Variants in SGK1 observed in about 807,000 individuals in gnomAD.
SGK1 encodes serine/threonine-protein kinase Sgk1.
Under a neutral mutation model 64.2 loss-of-function variants are expected in SGK1, and 26 were observed. That is an observed-to-expected ratio of 0.40 (90% CI 0.30 to 0.56). The LOEUF (loss-of-function observed/expected upper bound fraction) is 0.56. Among genes scored for constraint, SGK1 ranks in the 20% least tolerant of loss-of-function variants. The probability of loss-of-function intolerance (pLI) is 0.38; values close to 1 mark genes in which losing one functional copy is unlikely to be tolerated. For missense variants in SGK1, 519 were observed against 645.6 expected (o/e 0.80, Z 2.12); for synonymous variants, 265 against 239.7 (o/e 1.11, Z -0.98).
chr6:134,206,354 TATATATATATATATATATATATA>T lies in SGK1; in HGVS notation c.361+979_361+1001del, dbSNP rs1562250195. Among the ~76,000 whole-genome samples, 8 of 9,720 alleles carry T rather than the reference TATATATATATATATATATATATA, an allele frequency of 8.2e-4. No homozygotes were observed. The South Asian group carries it at 0.021, about 26-fold the overall frequency. The allele number at this position is 9,720 out of a possible 152,430, so 6.4% of individuals were successfully genotyped here. On this transcript the variant is annotated intron_variant, in intron 3 of 13. Coordinates refer to ENST00000367858, the MANE Select transcript of SGK1 (RefSeq NM_001143676.3). Reference sequence around the variant, plus strand: ...GTACCTGATGATATATATATATATATATATATATATATATATATATATATATATATTTTTTTTTTTTTTTTTTT... The same window carrying T: ...GTACCTGATGATATATATATATATATTATATATTTTTTTTTTTTTTTTTTT...
At chr6:134,306,511 G>C (rs993137275) in intron 1 of SGK1, among the ~76,000 whole-genome samples, 1 of 152,008 alleles carries the variant, frequency 6.6e-6, no homozygotes, top group Non-Finnish European at 1.5e-5. Context: ...GTTGGGGAGT[G>C]AAGGAAGCTT....
At chr6:134,219,178 TG>T (rs1029846792) in intron 2 of SGK1, among the ~76,000 whole-genome samples, 5 of 152,004 alleles carry the variant, frequency 3.3e-5, no homozygotes, top group East Asian at 2.0e-4. Flanking sequence ...TTTTTTATTT[TG>T]TTTTGCATTT....
intron 3 of SGK1, among the ~76,000 whole-genome samples, chr6:134,183,029 C>T (rs1775355326): frequency 6.6e-6 from 1 of 152,152 alleles, no homozygotes; most frequent in Non-Finnish European, 1.5e-5. Context: ...AGATCAGAGG[C>T]CAGTCATACT....
chr6:134,294,603 C>T (rs942444855), intron 1 of SGK1, among the ~76,000 whole-genome samples: 4 of 152,156 alleles, frequency 2.6e-5, no homozygotes, highest in African/African-American at 7.2e-5. Flanking sequence ...GGCATTATCT[C>T]GGCTCACTGC....
chr6:134,314,156 T>C (rs1777644248), intron 1 of SGK1, among the ~76,000 whole-genome samples: 2 of 151,942 alleles, frequency 1.3e-5, no homozygotes, highest in Admixed American at 1.3e-4. Context: ...AATATGAGGA[T>C]GAGAAGCATA....
intron 3 of SGK1, chr6:134,180,199 C>T (rs916904710): frequency 6.6e-6 from 1 of 152,436 alleles, no homozygotes; most frequent in African/African-American, 2.4e-5. Context: ...AATGATCCTC[C>T]TGCCTCAGCT....
chr6:134,176,369 G>T, intron 3 of SGK1, among the ~76,000 whole-genome samples: 1 of 152,238 alleles, frequency 6.6e-6, no homozygotes, highest in Non-Finnish European at 1.5e-5. Context: ...GGGTGACTCC[G>T]CTGCAGAAGG....
intron 1 of SGK1, among the ~76,000 whole-genome samples, chr6:134,293,693 T>A (rs1431413849): frequency 6.6e-6 from 1 of 152,168 alleles, no homozygotes; most frequent in Admixed American, 6.5e-5. Flanking sequence ...CAAGGAAGCC[T>A]GAATATTAAG....
intron 3 of SGK1, chr6:134,175,726 G>A (rs951344591): frequency 2.9e-6 from 4 of 1,377,072 alleles, no homozygotes; most frequent in Non-Finnish European, 3.8e-6. Context: ...TTTCCTTGAA[G>A]GAGCCGCCGT....
At position 134,174,020 on chromosome 6, in the gene SGK1, G is replaced by T; in HGVS notation, c.498C>A (p.Ala166=). The T allele has an allele frequency of 1.2e-6, 2 of 1,612,962 alleles. No individual in the cohort carries two copies. Among genetic ancestry groups the T allele is most frequent in the Non-Finnish European group, 1.7e-6 (2 of 1,179,384 alleles). ...SQPQEPELMN[A]NPSPPPSPSQ... Reference sequence around the variant, plus strand: ...AAAAACTTACTGGAGGAGAAGGGTTGGCATTCATAAGCTCAGGCTCCTGAG... The same window carrying T: ...AAAAACTTACTGGAGGAGAAGGGTTTGCATTCATAAGCTCAGGCTCCTGAG... The change falls in exon 5 of 14, where the codon GCC becomes GCA. Residue 166 remains alanine (A), a synonymous_variant. Coordinates refer to ENST00000367858, the MANE Select transcript of SGK1 (RefSeq NM_001143676.3).
At chr6:134,315,842 C>A (rs754822928) in intron 1 of SGK1, among the ~76,000 whole-genome samples, 3 of 151,818 alleles carry the variant, frequency 2.0e-5, no homozygotes, top group Non-Finnish European at 4.4e-5. Context: ...AAGGTCAAGA[C>A]CACCCTGGGC....
chr6:134,292,205 C>T (rs1475877984), intron 1 of SGK1, among the ~76,000 whole-genome samples: 6 of 152,156 alleles, frequency 3.9e-5, no homozygotes, highest in South Asian at 4.1e-4. Context: ...AAGTGAGACT[C>T]GTTTTACAGA....
chr6:134,288,555 C>T (rs1366819113), intron 1 of SGK1, among the ~76,000 whole-genome samples: 1 of 152,128 alleles, frequency 6.6e-6, no homozygotes, highest in Non-Finnish European at 1.5e-5. Flanking sequence ...TACATTGGTT[C>T]ATCCTCAGAG....
At chr6:134,281,558 C>A (rs1283509458) in intron 1 of SGK1, among the ~76,000 whole-genome samples, 1 of 150,122 alleles carries the variant, frequency 6.7e-6, no homozygotes, top group Non-Finnish European at 1.5e-5. Context: ...CAGTCGGTCT[C>A]CCAGGCAGGA....
chr6:134,271,046 G>A (rs1040995654), intron 1 of SGK1, among the ~76,000 whole-genome samples: 1 of 147,222 alleles, frequency 6.8e-6, no homozygotes. Flanking sequence ...GCCAGGTGCG[G>A]TGGCTCATGC....
intron 1 of SGK1, among the ~76,000 whole-genome samples, chr6:134,275,470 ACCTGT>A (rs1414038591): frequency 6.6e-6 from 1 of 152,206 alleles, no homozygotes; most frequent in African/African-American, 2.4e-5. Flanking sequence ...TGGCTTTCAA[ACCTGT>A]TTCATCAGGA....
chr6:134,286,935 A>C (rs1398656331), intron 1 of SGK1, among the ~76,000 whole-genome samples: 1 of 152,118 alleles, frequency 6.6e-6, no homozygotes, highest in Non-Finnish European at 1.5e-5. Flanking sequence ...GGTTGGGGGC[A>C]TTTGGGAGTT....
intron 2 of SGK1, among the ~76,000 whole-genome samples, chr6:134,252,745 G>C (rs1391763515): frequency 9.2e-5 from 14 of 151,840 alleles, no homozygotes; most frequent in Admixed American, 9.2e-4. Flanking sequence ...GGATAACATG[G>C]TTGAAAATTT....
At chr6:134,178,024 T>G (rs1242405744) in intron 3 of SGK1, 3 of 569,758 alleles carry the variant, frequency 5.3e-6, no homozygotes, top group East Asian at 5.8e-5. Context: ...GAAATGTAAC[T>G]TAACTGATTA....
Sources: allele counts gnomAD v4.1 joint callset (sites outside exome capture counted in the v4.1 genomes callset), GRCh38; gene constraint gnomAD v4.1.1; transcripts MANE v1.5; gene names NCBI Gene and HGNC (gene_info 2026-07-23, HGNC 2026-07-21).